PYGB: variants seen among roughly 807,000 people sequenced by gnomAD.
The protein encoded by PYGB is glycogen phosphorylase B.
A neutral mutation model predicts 94.3 loss-of-function variants in PYGB; 82 were observed. That is an observed-to-expected ratio of 0.87 (90% CI 0.73 to 1.04). The LOEUF is 1.04. Among genes scored for constraint, PYGB ranks in the 50% least tolerant of loss-of-function variants. The probability of loss-of-function intolerance (pLI) is 0.00; values close to 1 mark genes in which losing one functional copy is unlikely to be tolerated. For missense variants in PYGB, 1,132 were observed against 1,158.2 expected (o/e 0.98, Z 0.33); for synonymous variants, 488 against 479.1 (o/e 1.02, Z -0.24).
intron 1 of PYGB, among the ~76,000 whole-genome samples, chr20:25,253,446 G>T (rs1167228851): frequency 6.6e-6 from 1 of 152,050 alleles, no homozygotes; most frequent in South Asian, 2.1e-4. Context: ...GAGGTCAAAA[G>T]TTCGAGACCA....
intron 18 of PYGB, 134 bp downstream of exon 18, chr20:25,294,426 G>A: frequency 8.6e-7 from 1 of 1,166,680 alleles, no homozygotes; most frequent in Non-Finnish European, 1.2e-6. Context: ...CTGTGCCCAT[G>A]AGACCTTACT....
intron 2 of PYGB, among the ~76,000 whole-genome samples, chr20:25,267,224 G>A (rs1192470716): frequency 2.0e-5 from 3 of 152,178 alleles, no homozygotes; most frequent in Non-Finnish European, 2.9e-5. Flanking sequence ...ATTGGAAGAA[G>A]CCATGAAATA....
chr20:25,288,698 C>T, intron 15 of PYGB: 1 of 594,554 alleles, frequency 1.7e-6, no homozygotes, highest in Non-Finnish European at 2.9e-6. Context: ...TGGAGGGGTC[C>T]CCAGCCTAGA....
At chr20:25,294,960 C>T (rs2088517410) in intron 18 of PYGB, 1 of 1,614,132 alleles carries the variant, frequency 6.2e-7, no homozygotes, top group African/African-American at 1.3e-5. Context: ...ACCGTGTCAC[C>T]TGTTGGCTTC....
rs138279682 is a variant in PYGB at position 25,280,340 on chromosome 20, C to A, written c.1167C>A (p.Pro389=). Residue 389 remains proline, a synonymous_variant, in exon 10 of 20, where the codon CCC becomes CCA. Coordinates refer to ENST00000216962, the MANE Select transcript of PYGB (RefSeq NM_002862.4). ...TVLPEALERW[P]VSMFEKLLPR... The stretch of plus-strand genomic sequence containing the variant: ...TGCCTGAGGCCTTGGAGCGCTGGCC[C>A]GTGTCCATGTTTGAGAAGCTGCTGC... The A allele has an allele frequency of 2.5e-6, 4 of 1,614,022 alleles. No individual in the cohort carries two copies. The South Asian group carries it at 3.3e-5, about 13-fold the overall frequency.
intron 7 of PYGB, among the ~76,000 whole-genome samples, chr20:25,277,852 TTTTG>T (rs1430158485): frequency 2.0e-5 from 3 of 152,232 alleles, no homozygotes; most frequent in Non-Finnish European, 4.4e-5. Flanking sequence ...GTGGCTTTCT[TTTTG>T]TTGTTGTTGC....
rs200462235 is a variant in PYGB, at chr20:25,281,079, C to T, written c.1370C>T (p.Ala457Val). 22 of 1,614,054 alleles carry T rather than the reference C, an allele frequency of 1.4e-5. No individual in the cohort carries two copies. The highest frequency in any genetic ancestry group is 1.9e-5 in the Non-Finnish European group (22 of 1,180,032). The change falls in exon 11 of 20, where the codon GCG becomes GTG. Residue 457 changes from alanine to valine, a missense_variant. Transcript: ENST00000216962. ...VIGSHAVNGV[A>V]RIHSEIVKQS... ...GGGTCCCATGCTGTCAATGGTGTGG[C>T]GAGGATCCACTCGGAGATCGTGAAA...
intron 16 of PYGB, 141 bp downstream of exon 16, chr20:25,290,763 G>A: frequency 2.4e-6 from 3 of 1,251,882 alleles, no homozygotes; most frequent in South Asian, 2.8e-5. Context: ...CAGGCGAGCA[G>A]GGAACGGCTT....
At chr20:25,253,660 G>A (rs574180194) in intron 1 of PYGB, among the ~76,000 whole-genome samples, 228 of 104,150 alleles carry the variant, frequency 2.2e-3, no homozygotes, top group Middle Eastern at 5.1e-3. Context: ...AATAAAATAA[G>A]GTAACCGACC....
intron 6 of PYGB, 32 bp from the exon 7 acceptor site, chr20:25,277,212 G>A: frequency 6.6e-7 from 1 of 1,505,796 alleles, no homozygotes; most frequent in Non-Finnish European, 9.2e-7. Flanking sequence ...CAGGAGGCAT[G>A]TGTGTGTTGA....
chr20:25,279,173 C>T (rs200368138), intron 9 of PYGB, 24 bp downstream of exon 9: 219 of 1,606,348 alleles, frequency 1.4e-4, no homozygotes, highest in Middle Eastern at 3.3e-4. Flanking sequence ...AAAAGGGCGG[C>T]ACCTCCCCAG....
intron 14 of PYGB, chr20:25,288,208 G>C (rs1238158782): frequency 1.4e-6 from 1 of 694,218 alleles, no homozygotes; most frequent in Non-Finnish European, 2.6e-6. Context: ...GCAGACCTCA[G>C]GGTGGCCTCA....
intron 2 of PYGB, among the ~76,000 whole-genome samples, chr20:25,268,785 C>T (rs898635103): frequency 3.5e-4 from 53 of 152,326 alleles, no homozygotes; most frequent in African/African-American, 1.1e-3. Flanking sequence ...GGAATCACCA[C>T]AGGAAAAGTG....
In PYGB at chr20:25,270,192, TTTTG is replaced by T. The variant is rs1219271184; in HGVS notation, c.424+989_424+992del. Among the ~76,000 whole-genome samples the T allele has an allele frequency of 1.3e-3, 169 of 132,006 alleles. 1 individual carries two copies. The highest frequency in any genetic ancestry group is 2.4e-3 in the Admixed American group (33 of 14,016). The allele number at this position is 132,006 out of a possible 152,430, so 86.6% of individuals were successfully genotyped here. On this transcript the variant is annotated intron_variant, in intron 3 of 19. Coordinates refer to ENST00000216962, the MANE Select transcript of PYGB (RefSeq NM_002862.4). ...TTGATTTTTTTAATCCTGAAGTTTT[TTTTG>T]TTTTGTTTTGTTTTTTTTTTTTTTG...
At chr20:25,272,999 G>C (rs932409684) in intron 4 of PYGB, among the ~76,000 whole-genome samples, 2 of 152,330 alleles carry the variant, frequency 1.3e-5, no homozygotes, top group Non-Finnish European at 2.9e-5. Context: ...TGATAGTTTA[G>C]GATGATCAGT....
In PYGB at chr20:25,277,249, G is replaced by T. The variant is rs150817672; in HGVS notation, c.778G>T (p.Val260Leu). The change falls in exon 7 of 20, where the codon GTG (valine) becomes TTG (leucine). Residue 260 changes from valine to leucine, a missense_variant. Physicochemically the swap from Val to Leu is conservative, Grantham distance 32. Transcript: ENST00000216962. ...CCCGCTCCATTTCTTCTTAGTCAAC[G>T]TGGGAGACTACATCGAGGCGGTCCT... ...PNDFKLQDFN[V>L]GDYIEAVLDR... is the part of the protein sequence containing the mutation. The T allele has an allele frequency of 2.6e-6, 4 of 1,563,124 alleles. No individual in the cohort carries two copies. The highest frequency in any genetic ancestry group is 1.7e-5 in the Admixed American group (1 of 59,912).
intron 17 of PYGB, 150 bp from the exon 18 acceptor site, chr20:25,294,008 A>G (rs1374143200): frequency 2.9e-6 from 3 of 1,052,056 alleles, no homozygotes; most frequent in East Asian, 2.6e-5. Context: ...GTAACCACCC[A>G]TGGCCACTGG....
intron 1 of PYGB, among the ~76,000 whole-genome samples, chr20:25,252,755 G>T (rs1314868314): frequency 6.6e-6 from 1 of 152,240 alleles, no homozygotes; most frequent in Admixed American, 6.5e-5. Context: ...CTGGAAGGAA[G>T]CTCTTCCATC....
chr20:25,281,941 C>A, intron 11 of PYGB, 92 bp from the exon 12 acceptor site: 1 of 1,101,606 alleles, frequency 9.1e-7, no homozygotes, highest in Middle Eastern at 2.4e-4. Flanking sequence ...CTTGAGGGCT[C>A]CTGGGACCTC....
Sources: gnomAD v4.1 joint callset for allele counts (sites outside exome capture counted in the v4.1 genomes callset) on GRCh38, gnomAD v4.1.1 for gene constraint, MANE v1.5 for transcripts, NCBI Gene and HGNC (gene_info 2026-07-23, HGNC 2026-07-21) for gene names.